Variants in PLD5 observed in about 807,000 individuals in gnomAD.
PLD5 encodes the protein phospholipase D family member 5.
A neutral mutation model predicts 61.1 loss-of-function variants in PLD5; 36 were observed. The observed-to-expected ratio is 0.59, with a 90% CI of 0.45 to 0.78. The LOEUF (loss-of-function observed/expected upper bound fraction) is 0.78, where lower values mean the gene tolerates loss of function less well. PLD5 is among the 30% of genes least tolerant of loss of function. The pLI is 0.00. For synonymous variants in PLD5, 243 were observed against 242.8 expected, an observed-to-expected ratio of 1.00 and a Z score of -0.01; for missense variants, 515 against 644.4, an observed-to-expected ratio of 0.80 and a Z score of 2.17.
intron 1 of PLD5, among the ~76,000 whole-genome samples, chr1:242,502,701 G>C (rs867702459): frequency 2.0e-5 from 3 of 152,234 alleles, no homozygotes; most frequent in South Asian, 4.1e-4. Flanking sequence ...GTGTGTGTGT[G>C]TGTGCGTATC....
intron 1 of PLD5, among the ~76,000 whole-genome samples, chr1:242,447,055 C>A (rs1260728325): frequency 6.6e-6 from 1 of 152,164 alleles, no homozygotes; most frequent in African/African-American, 2.4e-5. Flanking sequence ...ATGGGGATTA[C>A]TAAAGGGTTT....
At chr1:242,116,449 G>A (rs1271404721) in intron 6 of PLD5, among the ~76,000 whole-genome samples, 1 of 152,178 alleles carries the variant, frequency 6.6e-6, no homozygotes, top group African/African-American at 2.4e-5. Context: ...GGGGGTACAG[G>A]TGCAGGTTTG....
chr1:242,512,114 G>C (rs1668929569), intron 1 of PLD5, among the ~76,000 whole-genome samples: 1 of 151,976 alleles, frequency 6.6e-6, no homozygotes, highest in Non-Finnish European at 1.5e-5. Flanking sequence ...GCCTTTAAGA[G>C]TATTTTGGTG....
intron 5 of PLD5, among the ~76,000 whole-genome samples, chr1:242,151,461 C>G (rs932799084): frequency 1.3e-5 from 2 of 151,906 alleles, no homozygotes; most frequent in East Asian, 3.9e-4. Context: ...TTTTTTCCCC[C>G]AGCACTCTAA....
chr1:242,334,574 A>T (rs1234784187), intron 2 of PLD5, among the ~76,000 whole-genome samples: 1 of 152,172 alleles, frequency 6.6e-6, no homozygotes, highest in African/African-American at 2.4e-5. Flanking sequence ...CCCTCATCGC[A>T]GCAGCCCTGA....
intron 1 of PLD5, among the ~76,000 whole-genome samples, chr1:242,517,389 T>G (rs1211312922): frequency 6.6e-6 from 1 of 152,240 alleles, no homozygotes; most frequent in African/African-American, 2.4e-5. Context: ...AATGTTGTCA[T>G]GCATGGGTAC....
At chr1:242,280,323 C>T (rs1422191005) in intron 3 of PLD5, among the ~76,000 whole-genome samples, 1 of 152,168 alleles carries the variant, frequency 6.6e-6, no homozygotes, top group East Asian at 1.9e-4. Flanking sequence ...TGCGAATTTG[C>T]CTTTTCTATA....
At chr1:242,265,302 C>T (rs368465686) in intron 4 of PLD5, 35 bp downstream of exon 4, 1 of 1,585,606 alleles carries the variant, frequency 6.3e-7, no homozygotes, top group African/African-American at 1.4e-5. Context: ...AACAGAACAC[C>T]CAGCGGTAGA....
chr1:242,373,683 A>G lies in PLD5; in HGVS notation c.190-25441T>C, dbSNP rs1661781697. ...GATGAAACTGGAAATCATCATTCTCAGCAAACTATCGCAAGGACAGAAAAC... is the reference window on the plus strand; with the variant it reads ...GATGAAACTGGAAATCATCATTCTCGGCAAACTATCGCAAGGACAGAAAAC... On this transcript the variant is annotated intron_variant, in intron 1 of 9. Coordinates refer to ENST00000536534, the MANE Select transcript of PLD5 (RefSeq NM_001372062.1). 2.6e-5 allele frequency among the ~76,000 whole-genome samples: 4 copies of G among 152,170 alleles called. No homozygotes were observed. In the South Asian group the frequency reaches 8.3e-4, roughly 32 times the overall value.
At chr1:242,513,170 T>C (rs918271046) in intron 1 of PLD5, among the ~76,000 whole-genome samples, 1 of 152,152 alleles carries the variant, frequency 6.6e-6, no homozygotes, top group African/African-American at 2.4e-5. Context: ...CTGAGTCACC[T>C]GCACTCAGCC....
At chr1:242,112,192 T>C (rs1347234147) in intron 7 of PLD5, among the ~76,000 whole-genome samples, 2 of 149,586 alleles carry the variant, frequency 1.3e-5, no homozygotes, top group South Asian at 2.1e-4. Context: ...TAAAACCAAG[T>C]GAACAACAAA....
At position 242,302,417 on chromosome 1, in the gene PLD5, T is replaced by C. The variant is rs533652688; in HGVS notation, c.327-13887A>G. On this transcript the variant is annotated intron_variant, in intron 2 of 9. Transcript: ENST00000536534. ...TAAGCCAGAGTTAGAAGTCACCTTT[T>C]TGAGAATTGCTCATTCTCAGCTGGG... Among the ~76,000 whole-genome samples, 235 of 152,354 alleles carry C rather than the reference T, an allele frequency of 1.5e-3. 1 individual carries two copies. The highest frequency in any genetic ancestry group is 5.5e-3 in the African/African-American group (228 of 41,580).
intron 4 of PLD5, among the ~76,000 whole-genome samples, chr1:242,223,095 G>C (rs150293411): frequency 6.6e-6 from 1 of 152,112 alleles, no homozygotes; most frequent in African/African-American, 2.4e-5. Context: ...TGGCAGATTC[G>C]GTGTCTAGTG....
At chr1:242,383,301 G>T (rs183681635) in intron 1 of PLD5, among the ~76,000 whole-genome samples, 1 of 152,024 alleles carries the variant, frequency 6.6e-6, no homozygotes, top group African/African-American at 2.4e-5. Flanking sequence ...AAAGTGTAAC[G>T]ATGACATCTC....
chr1:242,176,939 G>T (rs2148891779), intron 5 of PLD5, among the ~76,000 whole-genome samples: 1 of 152,336 alleles, frequency 6.6e-6, no homozygotes, highest in South Asian at 2.1e-4. Context: ...ATGCTGGAGA[G>T]GATGTGGACA....
chr1:242,484,896 T>C (rs1558138510), intron 1 of PLD5, among the ~76,000 whole-genome samples: 3 of 152,240 alleles, frequency 2.0e-5, no homozygotes, highest in South Asian at 4.1e-4. Context: ...GATGCAAGGC[T>C]GGTTTAACAT....
intron 1 of PLD5, among the ~76,000 whole-genome samples, chr1:242,501,193 T>C (rs1348057460): frequency 6.6e-6 from 1 of 152,106 alleles, no homozygotes; most frequent in Non-Finnish European, 1.5e-5. Context: ...GCAGGATTAC[T>C]AGAGAACTGA....
intron 4 of PLD5, among the ~76,000 whole-genome samples, chr1:242,230,119 T>C (rs946518599): frequency 6.6e-6 from 1 of 152,160 alleles, no homozygotes; most frequent in Non-Finnish European, 1.5e-5. Context: ...CAGCAAAGAA[T>C]TATTCAGCTC....
At chr1:242,422,192 T>G (rs1364681505) in intron 1 of PLD5, among the ~76,000 whole-genome samples, 2 of 151,918 alleles carry the variant, frequency 1.3e-5, no homozygotes, top group Admixed American at 6.6e-5. Flanking sequence ...ATACTGCCCC[T>G]GACATATTTA....
Sources: allele counts gnomAD v4.1 joint callset (sites outside exome capture counted in the v4.1 genomes callset), GRCh38; gene constraint gnomAD v4.1.1; transcripts MANE v1.5; gene names NCBI Gene and HGNC (gene_info 2026-07-23, HGNC 2026-07-21).